LCP1: variants seen among roughly 807,000 people sequenced by gnomAD.
LCP1 encodes the protein plastin-2.
In LCP1, 23 loss-of-function variants were observed where a neutral mutation model predicts 72.0. That is an observed-to-expected ratio of 0.32 (90% CI 0.23 to 0.45). LCP1 has a LOEUF of 0.45. Among genes scored for constraint, LCP1 ranks in the 20% least tolerant of loss-of-function variants. The pLI, the probability that LCP1 is intolerant of heterozygous loss-of-function variation, is 1.00. For synonymous variants in LCP1, 245 were observed against 275.4 expected (o/e 0.89, Z 1.09); for missense variants, 571 against 748.3 (o/e 0.76, Z 2.76).
At position 46,147,066 on chromosome 13, in the gene LCP1, T is replaced by G; in HGVS notation, c.1016A>C (p.Gln339Pro). The change falls in exon 10 of 16, where the codon CAG becomes CCG. Residue 339 changes from glutamine (Q) to proline (P), a missense_variant. Transcript: ENST00000323076. ...DDIQRAECML[Q>P]QAERLGCRQF... ...CCGGCAGCCCAGCCTCTCCGCCTGC[T>G]GCAGCATGCATTCTGCCCTCTGGAT... 6.2e-7 allele frequency: 1 copy of G among 1,611,006 alleles called. No individual in the cohort carries two copies. Among genetic ancestry groups the G allele is most frequent in the Non-Finnish European group, 8.5e-7 (1 of 1,178,642 alleles).
At chr13:46,158,743 G>T in intron 3 of LCP1, 83 bp downstream of exon 3, 1 of 1,601,214 alleles carries the variant, frequency 6.2e-7, no homozygotes, top group Non-Finnish European at 8.5e-7. Flanking sequence ...AGGAGGTAAG[G>T]AATGTCTTTC....
chr13:46,154,372 G>C (rs1204392087), intron 6 of LCP1, among the ~76,000 whole-genome samples: 1 of 152,172 alleles, frequency 6.6e-6, no homozygotes, highest in Non-Finnish European at 1.5e-5. Context: ...CAAATTGATG[G>C]AATAAAAGCA....
intron 12 of LCP1, chr13:46,142,644 A>G (rs2045705494): frequency 1.7e-6 from 1 of 585,716 alleles, no homozygotes; most frequent in African/African-American, 1.9e-5. Flanking sequence ...ATAATGTGGA[A>G]AACTGAAATG....
At chr13:46,163,960 C>G (rs2045862239) in intron 1 of LCP1, among the ~76,000 whole-genome samples, 2 of 152,304 alleles carry the variant, frequency 1.3e-5, no homozygotes, top group South Asian at 2.1e-4. Context: ...CCTCTTGGTT[C>G]ATAGGTGTTT....
At chr13:46,140,323 C>T (rs1010819655) in intron 13 of LCP1, among the ~76,000 whole-genome samples, 3 of 152,136 alleles carry the variant, frequency 2.0e-5, no homozygotes, top group Non-Finnish European at 2.9e-5. Flanking sequence ...AAATGAGCCA[C>T]GAGAGCAATC....
At chr13:46,147,949 C>T (rs2045740551) in intron 9 of LCP1, among the ~76,000 whole-genome samples, 1 of 152,170 alleles carries the variant, frequency 6.6e-6, no homozygotes, top group African/African-American at 2.4e-5. Flanking sequence ...TTGACTTCAA[C>T]ATGAACTCAT....
Position 46,154,840 on chromosome 13 carries a change from T to G in LCP1, c.538A>C (p.Ile180Leu), listed in dbSNP as rs368096255. 1 of 1,614,164 alleles carries G rather than the reference T, an allele frequency of 6.2e-7. No individual in the cohort carries two copies. Among genetic ancestry groups the G allele is most frequent in the Admixed American group, 1.7e-5 (1 of 60,028 alleles). Residue 180 changes from isoleucine to leucine, a missense_variant, in exon 6 of 16, where the codon ATC becomes CTC. Coordinates refer to ENST00000323076, the MANE Select transcript of LCP1 (RefSeq NM_002298.5). ...SVPDTIDERT[I>L]NKKKLTPFTI... ...AAAGGGGTTAGCTTCTTTTTGTTGA[T>G]TGTTCTTTCATCAATTGTGTCTGGC...
In LCP1 at chr13:46,145,887, C is replaced by T. The variant is rs867466737; in HGVS notation, c.1174+1021G>A. 8.7e-4 allele frequency among the ~76,000 whole-genome samples: 47 copies of T among 53,764 alleles called. 3 individuals are homozygous for T. Among genetic ancestry groups the T allele is most frequent in the Admixed American group, 1.8e-3 (5 of 2,712 alleles). 35.3% of individuals were successfully genotyped at this position (53,764 alleles called of 152,430 possible). Reference sequence around the variant, plus strand: ...TCCCGCCACTGCACTCCAGCCTGGGCGACAGAGCGAGACTCCGTCTCAAAA... The same window carrying T: ...TCCCGCCACTGCACTCCAGCCTGGGTGACAGAGCGAGACTCCGTCTCAAAA... On this transcript the variant is annotated intron_variant, in intron 10 of 15. Coordinates refer to ENST00000323076, the MANE Select transcript of LCP1 (RefSeq NM_002298.5).
intron 6 of LCP1, among the ~76,000 whole-genome samples, chr13:46,154,559 C>T (rs1274360760): frequency 6.6e-6 from 1 of 152,134 alleles, no homozygotes; most frequent in African/African-American, 2.4e-5. Context: ...AAACTTTAGC[C>T]AAAGTGAATT....
intron 7 of LCP1, among the ~76,000 whole-genome samples, chr13:46,151,823 G>A (rs2045766141): frequency 1.3e-5 from 2 of 152,156 alleles, no homozygotes; most frequent in African/African-American, 4.8e-5. Flanking sequence ...CATATTGGTA[G>A]GATTTGTACC....
intron 1 of LCP1, among the ~76,000 whole-genome samples, chr13:46,164,482 C>T (rs989702133): frequency 2.0e-5 from 3 of 152,062 alleles, no homozygotes; most frequent in Non-Finnish European, 4.4e-5. Context: ...TATTTTTCTA[C>T]GAGATTTATG....
intron 15 of LCP1, among the ~76,000 whole-genome samples, chr13:46,128,385 T>C (rs914508444): frequency 5.9e-5 from 9 of 152,124 alleles, no homozygotes; most frequent in African/African-American, 2.2e-4. Context: ...GATCACAAGG[T>C]CAGGAGATCG....
intron 8 of LCP1, among the ~76,000 whole-genome samples, 200 bp downstream of exon 8, chr13:46,150,736 G>C (rs2045758463): frequency 6.6e-6 from 1 of 152,114 alleles, no homozygotes; most frequent in African/African-American, 2.4e-5. Flanking sequence ...CACTGCACTA[G>C]GACTCTGGGC....
At chr13:46,180,822 T>C (rs2045952514) in intron 1 of LCP1, among the ~76,000 whole-genome samples, 1 of 152,270 alleles carries the variant, frequency 6.6e-6, no homozygotes. Context: ...TTAATAGTTT[T>C]ACTTAAAATA....
At chr13:46,162,159 G>T (rs901502045) in intron 1 of LCP1, among the ~76,000 whole-genome samples, 5 of 151,912 alleles carry the variant, frequency 3.3e-5, no homozygotes, top group African/African-American at 9.7e-5. Context: ...TCCTCTCCCA[G>T]GCTGTCTACT....
At chr13:46,158,760 T>C in intron 3 of LCP1, 66 bp downstream of exon 3, 1 of 1,601,922 alleles carries the variant, frequency 6.2e-7, no homozygotes, top group Non-Finnish European at 8.5e-7. Flanking sequence ...TTTCTGGATA[T>C]TTTTTAAAAC....
chr13:46,157,915 C>G (rs962299416), intron 4 of LCP1, among the ~76,000 whole-genome samples: 2 of 151,968 alleles, frequency 1.3e-5, no homozygotes, highest in African/African-American at 4.8e-5. Flanking sequence ...CCCAGTAGAA[C>G]GGGGTTTCAC....
At chr13:46,144,022 C>A (rs866502176) in intron 11 of LCP1, among the ~76,000 whole-genome samples, 1 of 151,758 alleles carries the variant, frequency 6.6e-6, no homozygotes. Context: ...GCCGAGATTG[C>A]GCCACCGCAC....
chr13:46,159,317 G>A lies in LCP1; in HGVS notation c.64+282C>T, dbSNP rs1380513445. ...AAGTATGTGATGGTATTAAAATCAA[G>A]GAAACAGCAAAACAGAAGACAAGAT... is the stretch of plus-strand genomic sequence containing the variant. On this transcript the variant is annotated intron_variant, in intron 2 of 15. Transcript: ENST00000323076. 1.7e-5 allele frequency: 9 copies of A among 527,054 alleles called. No homozygotes were observed. In the East Asian group the frequency reaches 2.9e-4, roughly 17 times the overall value. 32.6% of individuals were successfully genotyped at this position (527,054 alleles called of 1,614,324 possible).
Sources: allele counts gnomAD v4.1 joint callset (sites outside exome capture counted in the v4.1 genomes callset), GRCh38; gene constraint gnomAD v4.1.1; transcripts MANE v1.5; gene names NCBI Gene and HGNC (gene_info 2026-07-23, HGNC 2026-07-21).